Variants in ADK observed in about 807,000 individuals in gnomAD.
ADK encodes adenosine kinase, also known as N6,N6-dimethyladenosine kinase.
ADK carries 24 observed loss-of-function variants against 44.7 expected under a neutral mutation model. That is an observed-to-expected ratio of 0.54 (90% CI 0.39 to 0.76). The LOEUF (loss-of-function observed/expected upper bound fraction) is 0.76, where lower values mean the gene tolerates loss of function less well. Among genes scored for constraint, ADK ranks in the 30% least tolerant of loss-of-function variants. The pLI is 0.00. For synonymous variants in ADK, 128 were observed against 142.6 expected (o/e 0.90, Z 0.73); for missense variants, 321 against 425.1 (o/e 0.76, Z 2.15).
At chr10:74,189,516 A>T (rs181343765) in intron 1 of ADK, among the ~76,000 whole-genome samples, 1 of 152,304 alleles carries the variant, frequency 6.6e-6, no homozygotes, top group East Asian at 1.9e-4. Context: ...TACGGTGTAT[A>T]CTGCAGTTAT....
Position 74,224,570 on chromosome 10 carries a change from C to T in ADK, c.173C>T (p.Ala58Val). 1 of 1,613,698 alleles carries T rather than the reference C, an allele frequency of 6.2e-7. No individual in the cohort carries two copies. Among genetic ancestry groups the T allele is most frequent in the South Asian group, 1.1e-5 (1 of 91,068 alleles). ...CTGAAACCAAATGACCAAATCTTGG[C>T]TGAAGACAAACACAAGGAACTGTAA... ...YSLKPNDQIL[A>V]EDKHKELFDE... Residue 58 changes from alanine (A) to valine (V), a missense_variant, in exon 3 of 11, where the codon GCT (alanine) becomes GTT (valine). By Grantham distance (64) the Ala-to-Val change is moderately conservative (BLOSUM62 0). Coordinates refer to ENST00000539909, the MANE Select transcript of ADK (RefSeq NM_006721.4).
chr10:74,356,012 T>TTTTTG (rs1564672645), intron 4 of ADK, among the ~76,000 whole-genome samples: 45 of 131,028 alleles, frequency 3.4e-4, no homozygotes, highest in Non-Finnish European at 4.1e-4. Context: ...ATTTTTTTTT[T>TTTTTG]TTTTTTTTTT....
intron 1 of ADK, among the ~76,000 whole-genome samples, chr10:74,186,234 T>C (rs1842761662): frequency 9.0e-6 from 1 of 110,614 alleles, no homozygotes; most frequent in Admixed American, 9.5e-5. Context: ...TCCCCTCCTT[T>C]CCCTTCCCCT....
intron 7 of ADK, among the ~76,000 whole-genome samples, chr10:74,564,322 A>G (rs1031290628): frequency 2.0e-5 from 3 of 152,186 alleles, no homozygotes; most frequent in African/African-American, 7.2e-5. Context: ...ACTATATTAC[A>G]TTCTACTTTT....
rs1845494424 is a variant in ADK at position 74,248,056 on chromosome 10, A to G, written c.194+23465A>G. Reference sequence around the variant, plus strand: ...ACCCCCTCCTTTTAATTGTTGAATGAATTTAAAACTATGTCATAAAGAAAC... The same window carrying G: ...ACCCCCTCCTTTTAATTGTTGAATGGATTTAAAACTATGTCATAAAGAAAC... On this transcript the variant is annotated intron_variant, in intron 3 of 10. Coordinates refer to ENST00000539909, the MANE Select transcript of ADK (RefSeq NM_006721.4). 2.6e-5 allele frequency among the ~76,000 whole-genome samples: 4 copies of G among 152,218 alleles called. No homozygotes were observed. The South Asian group carries it at 8.3e-4, about 32-fold the overall frequency.
At chr10:74,177,013 G>A in intron 1 of ADK, 1 of 1,350,136 alleles carries the variant, frequency 7.4e-7, no homozygotes, top group Non-Finnish European at 1.0e-6. Flanking sequence ...CTCGTGTTGG[G>A]GGTTCCCTCC....
intron 3 of ADK, among the ~76,000 whole-genome samples, chr10:74,278,426 A>AT (rs1846788270): frequency 6.7e-6 from 1 of 149,366 alleles, no homozygotes; most frequent in African/African-American, 2.5e-5. Context: ...AGGTTTGTCC[A>AT]TTTTTTTCCA....
intron 9 of ADK, chr10:74,661,270 T>G (rs2134169883): frequency 1.0e-6 from 1 of 953,884 alleles, no homozygotes; most frequent in East Asian, 1.2e-4. Flanking sequence ...ATTTATTCCA[T>G]CATCACCTTT....
At chr10:74,155,546 T>C (rs1306631727) in intron 1 of ADK, among the ~76,000 whole-genome samples, 1 of 152,204 alleles carries the variant, frequency 6.6e-6, no homozygotes, top group African/African-American at 2.4e-5. Flanking sequence ...GTTTTTGTTT[T>C]TGAGACAGAG....
At chr10:74,383,796 A>G (rs1305444559) in intron 4 of ADK, among the ~76,000 whole-genome samples, 1 of 152,174 alleles carries the variant, frequency 6.6e-6, no homozygotes, top group African/African-American at 2.4e-5. Context: ...ATGTCCTTAC[A>G]TCTTCTGAGA....
At chr10:74,419,514 A>T (rs1162474667) in intron 6 of ADK, among the ~76,000 whole-genome samples, 2 of 152,184 alleles carry the variant, frequency 1.3e-5, no homozygotes, top group Admixed American at 6.5e-5. Flanking sequence ...GGAACAAAAG[A>T]GCCAAGCACA....
intron 7 of ADK, among the ~76,000 whole-genome samples, chr10:74,572,920 G>A (rs1851026149): frequency 6.6e-6 from 1 of 152,066 alleles, no homozygotes; most frequent in South Asian, 2.1e-4. Context: ...TTTTTTCAAA[G>A]TTTTCAACTT....
chr10:74,170,690 C>T (rs1403808604), intron 1 of ADK, among the ~76,000 whole-genome samples: 2 of 150,988 alleles, frequency 1.3e-5, no homozygotes, highest in East Asian at 3.9e-4. Context: ...GTCCCAGCTA[C>T]TCGGGAGGCT....
chr10:74,251,676 C>A (rs1845656387), intron 3 of ADK, among the ~76,000 whole-genome samples: 1 of 152,100 alleles, frequency 6.6e-6, no homozygotes, highest in Admixed American at 6.6e-5. Context: ...CCAGGACAAT[C>A]TGACATTAAA....
At chr10:74,684,925 T>C (rs1032730853) in intron 10 of ADK, among the ~76,000 whole-genome samples, 3 of 152,246 alleles carry the variant, frequency 2.0e-5, no homozygotes, top group African/African-American at 7.2e-5. Flanking sequence ...TTCTAAAATA[T>C]TCTAGCTTAC....
At chr10:74,322,441 T>C (rs978161130) in intron 4 of ADK, among the ~76,000 whole-genome samples, 2 of 152,236 alleles carry the variant, frequency 1.3e-5, no homozygotes, top group African/African-American at 4.8e-5. Context: ...ACACAGGCCC[T>C]ACGAATAAGG....
intron 10 of ADK, among the ~76,000 whole-genome samples, chr10:74,688,913 GA>G (rs1265135147): frequency 6.8e-6 from 1 of 146,536 alleles, no homozygotes; most frequent in Non-Finnish European, 1.5e-5. Flanking sequence ...GACTAATCCA[GA>G]AACAGAGAGA....
intron 9 of ADK, among the ~76,000 whole-genome samples, chr10:74,659,704 G>A (rs141671562): frequency 6.6e-5 from 10 of 152,204 alleles, no homozygotes; most frequent in Non-Finnish European, 1.0e-4. Context: ...AAGACAGTCC[G>A]AGTCTCAAAG....
At chr10:74,210,331 A>G (rs1437617276) in intron 2 of ADK, among the ~76,000 whole-genome samples, 2 of 29,922 alleles carry the variant, frequency 6.7e-5, no homozygotes, top group Admixed American at 3.1e-4. Context: ...CCATCTCAGG[A>G]AAAAAAAAAA....
Sources: gnomAD v4.1 joint callset for allele counts (sites outside exome capture counted in the v4.1 genomes callset) on GRCh38, gnomAD v4.1.1 for gene constraint, MANE v1.5 for transcripts, NCBI Gene and HGNC (gene_info 2026-07-23, HGNC 2026-07-21) for gene names.